Variants in C12orf42 observed in about 807,000 individuals in gnomAD.
C12orf42 encodes chromosome 12 open reading frame 42, also known as uncharacterized protein C12orf42.
C12orf42 carries 25 observed loss-of-function variants against 21.6 expected under a neutral mutation model. That is an observed-to-expected ratio of 1.16 (90% confidence interval 0.84 to 1.62). C12orf42 has a LOEUF of 1.62. C12orf42 is among the 40% of genes most tolerant of loss of function. The pLI, the probability that C12orf42 is intolerant of heterozygous loss-of-function variation, is 0.00. For missense variants in C12orf42, 483 were observed against 459.3 expected (o/e 1.05, Z -0.47); for synonymous variants, 174 against 175.0 (o/e 0.99, Z 0.05).
chr12:103,323,415 T>C (rs540076784), intron 4 of C12orf42, among the ~76,000 whole-genome samples: 9 of 152,230 alleles, frequency 5.9e-5, no homozygotes, highest in Non-Finnish European at 1.3e-4. Context: ...TGGTGAATTA[T>C]TGAATTAAGG....
At position 103,302,372 on chromosome 12, in the gene C12orf42, G is replaced by A. The variant is rs779797666; in HGVS notation, c.819C>T (p.Val273=). 4 of 1,613,938 alleles carry A rather than the reference G, an allele frequency of 2.5e-6. No homozygotes were observed. The highest frequency in any genetic ancestry group is 2.2e-5 in the East Asian group (1 of 44,858). ...GCGCCATGGCAACCGCGCCTTTTCC[G>A]ACGGGATTTCCGGACGCGCCCAGGA... ...SRLLGASGNP[V]GKGAVAMAPE... is the part of the protein sequence containing the mutation. The change falls in exon 6 of 6, where the codon GTC becomes GTT. Residue 273 remains valine, a synonymous_variant. Transcript: ENST00000548883.
the C12orf42 span, among the ~76,000 whole-genome samples, chr12:103,540,996 C>T: frequency 5.9e-5 from 9 of 152,150 alleles, no homozygotes; most frequent in South Asian, 2.1e-4. Context: ...CTCTGCCTCC[C>T]GGGTTCAAGC....
chr12:103,131,798 ATGT>A, the C12orf42 span, among the ~76,000 whole-genome samples: 1 of 151,884 alleles, frequency 6.6e-6, no homozygotes, highest in Non-Finnish European at 1.5e-5. Flanking sequence ...TTGAGGGGTG[ATGT>A]TGTTGTTGGG....
the C12orf42 span, chr12:103,164,540 G>A: frequency 4.5e-6 from 2 of 440,344 alleles, no homozygotes; most frequent in Non-Finnish European, 9.2e-6. Context: ...CATAACTTCT[G>A]TCTAAGGCAC....
At chr12:103,347,058 C>CT (rs1244186832) in intron 4 of C12orf42, among the ~76,000 whole-genome samples, 8 of 152,098 alleles carry the variant, frequency 5.3e-5, no homozygotes, top group African/African-American at 1.9e-4. Context: ...GTAATTACCA[C>CT]TTTTTTATTA....
chr12:103,461,277 A>G (rs1467510378), intron 2 of C12orf42, among the ~76,000 whole-genome samples: 2 of 152,194 alleles, frequency 1.3e-5, no homozygotes, highest in Non-Finnish European at 2.9e-5. Context: ...TTTAAGCTAC[A>G]TCAGAGCTCC....
At chr12:103,219,232 T>G in the C12orf42 span, among the ~76,000 whole-genome samples, 4 of 152,334 alleles carry the variant, frequency 2.6e-5, no homozygotes, top group East Asian at 7.7e-4. Context: ...ACTGGACCCC[T>G]TCCTTACACC....
At chr12:103,363,537 A>T (rs892682742) in intron 4 of C12orf42, among the ~76,000 whole-genome samples, 5 of 152,146 alleles carry the variant, frequency 3.3e-5, no homozygotes, top group Admixed American at 6.6e-5. Flanking sequence ...TGCTCCACTT[A>T]AAAGATACAG....
At chr12:103,095,311 G>T in the C12orf42 span, among the ~76,000 whole-genome samples, 2 of 152,118 alleles carry the variant, frequency 1.3e-5, no homozygotes, top group Non-Finnish European at 2.9e-5. Context: ...TGCCTGTTCT[G>T]CCTCCAGCCC....
intron 2 of C12orf42, chr12:103,441,356 G>A (rs1029786050): frequency 6.6e-6 from 1 of 152,060 alleles, no homozygotes; most frequent in Non-Finnish European, 1.5e-5. Context: ...TTTTTTTCCT[G>A]TCGATATAAA....
At chr12:103,349,982 T>C (rs1288352935) in intron 4 of C12orf42, among the ~76,000 whole-genome samples, 1 of 152,132 alleles carries the variant, frequency 6.6e-6, no homozygotes, top group Non-Finnish European at 1.5e-5. Flanking sequence ...ATTATAAAAA[T>C]ACAAATTGAA....
At chr12:103,355,326 C>T (rs968261140) in intron 4 of C12orf42, among the ~76,000 whole-genome samples, 1 of 152,052 alleles carries the variant, frequency 6.6e-6, no homozygotes, top group Non-Finnish European at 1.5e-5. Context: ...GGTGTGTTTG[C>T]ACATACATGC....
intron 4 of C12orf42, among the ~76,000 whole-genome samples, chr12:103,294,462 G>GAAAGAAAGAAAGA (rs2037054223): frequency 8.9e-6 from 1 of 112,774 alleles, no homozygotes; most frequent in South Asian, 2.7e-4. Flanking sequence ...AAGAAAGAAA[G>GAAAGAAAGAAAGA]AAAGAAAGAA....
At chr12:103,314,941 T>G (rs1451136139) in intron 4 of C12orf42, among the ~76,000 whole-genome samples, 1 of 152,120 alleles carries the variant, frequency 6.6e-6, no homozygotes, top group African/African-American at 2.4e-5. Context: ...TAACGGTGGA[T>G]TACAACTAAA....
At chr12:103,117,548 G>C in the C12orf42 span, among the ~76,000 whole-genome samples, 1 of 152,326 alleles carries the variant, frequency 6.6e-6, no homozygotes, top group South Asian at 2.1e-4. Flanking sequence ...AGGCCCCATG[G>C]ATCTTTTGCT....
chr12:103,530,405 G>A, the C12orf42 span, among the ~76,000 whole-genome samples: 17 of 152,170 alleles, frequency 1.1e-4, no homozygotes, highest in African/African-American at 2.2e-4. Context: ...TCTCCAGATC[G>A]CCCCTGCCTC....
At chr12:103,225,267 C>G in the C12orf42 span, among the ~76,000 whole-genome samples, 2 of 152,044 alleles carry the variant, frequency 1.3e-5, no homozygotes, top group African/African-American at 4.8e-5. Flanking sequence ...GTTGATAAGG[C>G]GAAGATCCTG....
intron 2 of C12orf42, chr12:103,456,106 C>G (rs1277480400): frequency 6.6e-6 from 1 of 152,088 alleles, no homozygotes; most frequent in Non-Finnish European, 1.5e-5. Flanking sequence ...TGCAAATACC[C>G]CACATCTCAC....
At chr12:103,489,951 C>T (rs10450753) in intron 1 of C12orf42, among the ~76,000 whole-genome samples, 150 of 152,358 alleles carry the variant, frequency 9.8e-4, no homozygotes, top group African/African-American at 3.2e-3. Flanking sequence ...CCTCCATGGG[C>T]TGCACCCACT....
Sources: allele counts gnomAD v4.1 joint callset (sites outside exome capture counted in the v4.1 genomes callset), GRCh38; gene constraint gnomAD v4.1.1; transcripts MANE v1.5; gene names NCBI Gene and HGNC (gene_info 2026-07-23, HGNC 2026-07-21).